Variants in NEK10 observed in about 807,000 individuals in gnomAD.
NEK10 encodes NIMA related kinase 10, also known as serine/threonine-protein kinase Nek10.
NEK10 carries 122 observed loss-of-function variants against 159.8 expected under a neutral mutation model. The observed-to-expected ratio is 0.76, with a 90% confidence interval of 0.66 to 0.89. The LOEUF is 0.89. Ranked by LOEUF, NEK10 falls within the 40% of genes least tolerant of loss-of-function variation. The pLI is 0.00. For missense variants in NEK10, 1,342 were observed against 1,323.1 expected (o/e 1.01, Z -0.22); for synonymous variants, 466 against 457.1 (o/e 1.02, Z -0.25).
intron 35 of NEK10, 123 bp from the exon 36 acceptor site, chr3:27,111,443 TA>T: frequency 1.4e-6 from 1 of 733,398 alleles, no homozygotes; most frequent in South Asian, 2.5e-5. Context: ...AAAAGACGAT[TA>T]TTTTTGTTAG....
chr3:27,176,327 A>G (rs1340345415), intron 26 of NEK10, among the ~76,000 whole-genome samples: 1 of 152,240 alleles, frequency 6.6e-6, no homozygotes, highest in East Asian at 1.9e-4. Context: ...TCCAATGTTC[A>G]AAGGCTGTTT....
intron 5 of NEK10, among the ~76,000 whole-genome samples, chr3:27,333,231 C>A (rs1383083044): frequency 6.6e-6 from 1 of 152,088 alleles, no homozygotes; most frequent in Non-Finnish European, 1.5e-5. Context: ...TGGACTCCTG[C>A]AATCCTAGCC....
intron 23 of NEK10, chr3:27,215,805 A>G (rs1951460794): frequency 2.8e-6 from 2 of 717,452 alleles, no homozygotes; most frequent in Non-Finnish European, 5.2e-6. Flanking sequence ...CAATGATAGC[A>G]GAAGGCAAAG....
intron 13 of NEK10, among the ~76,000 whole-genome samples, chr3:27,300,936 A>G (rs2043767557): frequency 6.6e-6 from 1 of 152,220 alleles, no homozygotes; most frequent in Admixed American, 6.5e-5. Context: ...AATAGTAGAC[A>G]GCAAGGAAAG....
At chr3:27,170,877 G>A (rs1443279964) in intron 29 of NEK10, among the ~76,000 whole-genome samples, 1 of 151,988 alleles carries the variant, frequency 6.6e-6, no homozygotes, top group Non-Finnish European at 1.5e-5. Flanking sequence ...CACTCCTCTG[G>A]CTCTGGTCTA....
chr3:27,310,186 G>A (rs1269832895), intron 9 of NEK10: 1 of 151,376 alleles, frequency 6.6e-6, no homozygotes, highest in African/African-American at 2.4e-5. Context: ...TTTCTTCTCT[G>A]TCTTCTAATG....
At chr3:27,118,970 CT>C (rs1410520382) in intron 33 of NEK10, among the ~76,000 whole-genome samples, 3 of 152,170 alleles carry the variant, frequency 2.0e-5, no homozygotes, top group African/African-American at 7.2e-5. Flanking sequence ...AAAATCTTCA[CT>C]TCTATCCACT....
intron 26 of NEK10, 26 bp from the exon 27 acceptor site, chr3:27,174,859 T>C (rs535112453): frequency 2.1e-5 from 32 of 1,541,534 alleles, no homozygotes; most frequent in South Asian, 2.0e-4. Flanking sequence ...CAGTTTTTCA[T>C]AGCCTCTTTC....
At chr3:27,216,773 C>A (rs1300264385) in intron 23 of NEK10, among the ~76,000 whole-genome samples, 1 of 152,124 alleles carries the variant, frequency 6.6e-6, no homozygotes, top group Non-Finnish European at 1.5e-5. Flanking sequence ...CCTCACGGAG[C>A]AGAGATAAGC....
At chr3:27,114,364 T>C (rs2125408224) in intron 35 of NEK10, among the ~76,000 whole-genome samples, 1 of 152,312 alleles carries the variant, frequency 6.6e-6, no homozygotes, top group East Asian at 1.9e-4. Context: ...GTTGTGGAGA[T>C]GGTAATTTCT....
At chr3:27,228,821 G>A (rs1331966537) in intron 23 of NEK10, among the ~76,000 whole-genome samples, 1 of 152,142 alleles carries the variant, frequency 6.6e-6, no homozygotes, top group Non-Finnish European at 1.5e-5. Flanking sequence ...TCTGGGATAG[G>A]AGTAAGGCTG....
In NEK10 at chr3:27,301,822, C is replaced by T. The variant is rs1273740269; in HGVS notation, c.1042G>A (p.Val348Ile). 5.2e-6 allele frequency: 8 copies of T among 1,551,724 alleles called. No individual in the cohort carries two copies. Among genetic ancestry groups the T allele is most frequent in the Non-Finnish European group, 7.0e-6 (8 of 1,146,918 alleles). The change falls in exon 13 of 36, where the codon GTT becomes ATT. Residue 348 changes from valine (V) to isoleucine (I), a missense_variant. Physicochemically the swap from Val to Ile is conservative, Grantham distance 29. Transcript: ENST00000691995. ...CTTCCAATGGAGGAGTGATCAGAAA[C>T]AAAATTTCTGTCTCTGAAAAAGAAA... ...LHILQGDRNF[V>I]SDHSSIGSLS...
rs757246952 is a variant in NEK10, at chr3:27,191,989, T to A, written c.2505+40A>T. On this transcript the variant is annotated intron_variant, in intron 26 of 35. Transcript: ENST00000691995. ...AGCATGAACAACTTCAGACAGCCCA[T>A]TAGAGTGCATCATGAACCGATTGAA... is the stretch of plus-strand genomic sequence containing the variant. 2.6e-6 allele frequency: 4 copies of A among 1,564,722 alleles called. No individual in the cohort carries two copies. The East Asian group carries it at 9.0e-5, about 35-fold the overall frequency.
chr3:27,164,372 C>T (rs528878776), intron 29 of NEK10, among the ~76,000 whole-genome samples: 2 of 152,164 alleles, frequency 1.3e-5, no homozygotes, highest in Non-Finnish European at 2.9e-5. Context: ...GCCCCTTACC[C>T]TTCTAGATGA....
chr3:27,184,594 G>A (rs1355665824), intron 26 of NEK10, among the ~76,000 whole-genome samples: 2 of 152,182 alleles, frequency 1.3e-5, no homozygotes, highest in African/African-American at 4.8e-5. Context: ...GTGGATGTGA[G>A]AATTGTGTCT....
chr3:27,170,635 G>A (rs1946887723), intron 29 of NEK10, among the ~76,000 whole-genome samples: 1 of 152,088 alleles, frequency 6.6e-6, no homozygotes, highest in Non-Finnish European at 1.5e-5. Flanking sequence ...GGGAGGCGGA[G>A]GCAGGAGAAT....
Position 27,271,149 on chromosome 3 carries a change from TTCTATCTATCTATCTA to T in NEK10, c.2014+13437_2014+13452del, listed in dbSNP as rs72089289. ...CTATCTTTCCATCCATCTATCTATC[TTCTATCTATCTATCTA>T]TCTATCTATCTATCTATCTATCTAT... On this transcript the variant is annotated intron_variant, in intron 22 of 35. Coordinates refer to ENST00000691995, the MANE Select transcript of NEK10 (RefSeq NM_001394966.1). 3.6e-3 allele frequency among the ~76,000 whole-genome samples: 527 copies of T among 148,166 alleles called. 1 individual carries two copies. Among genetic ancestry groups the T allele is most frequent in the South Asian group, 5.7e-3 (26 of 4,572 alleles).
At chr3:27,332,186 A>G (rs148268949) in intron 5 of NEK10, among the ~76,000 whole-genome samples, 173 of 152,350 alleles carry the variant, frequency 1.1e-3, no homozygotes, top group Middle Eastern at 6.8e-3. Flanking sequence ...AAAGTAAATT[A>G]TGAAACCAAG....
At chr3:27,118,350 G>A (rs979972564) in intron 33 of NEK10, among the ~76,000 whole-genome samples, 5 of 152,178 alleles carry the variant, frequency 3.3e-5, no homozygotes, top group Admixed American at 3.3e-4. Flanking sequence ...AACACACTCC[G>A]ATGCCACCCA....
Sources: allele counts gnomAD v4.1 joint callset (sites outside exome capture counted in the v4.1 genomes callset), GRCh38; gene constraint gnomAD v4.1.1; transcripts MANE v1.5; gene names NCBI Gene and HGNC (gene_info 2026-07-23, HGNC 2026-07-21).